SLC44A5: variants seen among roughly 807,000 people sequenced by gnomAD.
SLC44A5 encodes choline transporter-like protein 5.
SLC44A5 carries 57 observed loss-of-function variants against 101.8 expected under a neutral mutation model. That is an observed-to-expected ratio of 0.56 (90% CI 0.45 to 0.70). The LOEUF is 0.70. Ranked by LOEUF, SLC44A5 falls within the 30% of genes least tolerant of loss-of-function variation. SLC44A5 has a pLI of 0.00. For synonymous variants in SLC44A5, 281 were observed against 290.9 expected, an observed-to-expected ratio of 0.97 and a Z score of 0.35; for missense variants, 737 against 853.1, an observed-to-expected ratio of 0.86 and a Z score of 1.70.
At chr1:75,444,684 A>G (rs945751528) in intron 2 of SLC44A5, among the ~76,000 whole-genome samples, 4 of 152,126 alleles carry the variant, frequency 2.6e-5, no homozygotes, top group Admixed American at 6.5e-5. Flanking sequence ...CAGGATGATT[A>G]TAAGAACAGA....
rs576282300 is a variant in SLC44A5, at chr1:75,600,522, TATTA to T, written c.-70+10514_-70+10517del. ...TCATCCAAATATTTATTTATTTATT[TATTA>T]ATCTTGTTTCAAAAAATATTTTAAG... is the stretch of plus-strand genomic sequence containing the variant. On this transcript the variant is annotated intron_variant, in intron 1 of 23. Transcript: ENST00000370859. Among the ~76,000 whole-genome samples the T allele has an allele frequency of 3.4e-4, 52 of 152,292 alleles. No individual in the cohort carries two copies. In the East Asian group the frequency reaches 9.4e-3, roughly 28 times the overall value.
chr1:75,616,054 C>T (rs1456889462), upstream of SLC44A5, among the ~76,000 whole-genome samples: 2 of 151,776 alleles, frequency 1.3e-5, no homozygotes, highest in Non-Finnish European at 2.9e-5. Context: ...CGGCTCGGCT[C>T]GGCTGGGGCG....
rs1024799138 is a variant in SLC44A5, at chr1:75,429,860, C to A, written c.14-33239G>T. ...CTCCCATCAGGCCCCACCACTAACA[C>A]TGGGGATTACATTTCAACATGAGAT... On this transcript the variant is annotated intron_variant, in intron 2 of 23. Coordinates refer to ENST00000370859, the MANE Select transcript of SLC44A5 (RefSeq NM_001130058.2). Among the ~76,000 whole-genome samples, 3 of 152,198 alleles carry A rather than the reference C, an allele frequency of 2.0e-5. No individual in the cohort carries two copies. In the East Asian group the frequency reaches 5.8e-4, roughly 29 times the overall value.
chr1:75,269,687 C>G (rs1040118031), intron 6 of SLC44A5, among the ~76,000 whole-genome samples: 1 of 152,078 alleles, frequency 6.6e-6, no homozygotes, highest in Non-Finnish European at 1.5e-5. Context: ...TGAAATCCAT[C>G]TTTATCACAT....
chr1:75,625,716 G>A, the SLC44A5 span, among the ~76,000 whole-genome samples: 1 of 152,056 alleles, frequency 6.6e-6, no homozygotes. Flanking sequence ...TTATTTTCTG[G>A]TACTCCTGTC....
rs76858271 is a variant in SLC44A5, at chr1:75,575,975, A to G, written c.-69-34459T>C. 9.8e-3 allele frequency among the ~76,000 whole-genome samples: 1,496 copies of G among 152,286 alleles called. 26 individuals carry two copies. Among genetic ancestry groups the G allele is most frequent in the African/African-American group, 0.034 (1,405 of 41,552 alleles). ...GTTGGAGAGCTTGTGACTAAGAGGC[A>G]TAAATACAAACAGCACCAGAAATGT... On this transcript the variant is annotated intron_variant, in intron 1 of 23. Transcript: ENST00000370859.
At chr1:75,569,238 CT>C (rs566440021) in intron 1 of SLC44A5, among the ~76,000 whole-genome samples, 38,811 of 112,466 alleles carry the variant, frequency 0.35, 4,734 homozygotes, top group Non-Finnish European at 0.4. Context: ...TCATCTCTAC[CT>C]TTTTTTTTTT....
Position 75,396,642 on chromosome 1 carries a change from C to CA in SLC44A5, c.14-22dup, listed in dbSNP as rs200463512. 340 of 1,600,994 alleles carry CA rather than the reference C, an allele frequency of 2.1e-4. 4 individuals are homozygous for CA. The East Asian group carries it at 4.5e-3, about 21-fold the overall frequency. ...TTTTTCTAGGAAAAAGCACAAAAGG[C>CA]AAAAAAAATATTTGTAGGGGCTGAT... On this transcript the variant is annotated intron_variant, in intron 2 of 23. Transcript: ENST00000370859.
chr1:75,279,752 A>G (rs949871978), intron 5 of SLC44A5, among the ~76,000 whole-genome samples: 5 of 132,350 alleles, frequency 3.8e-5, no homozygotes, highest in Non-Finnish European at 7.9e-5. Context: ...ATGTATGTAT[A>G]CATGTATGTA....
At chr1:75,649,272 A>G in the SLC44A5 span, among the ~76,000 whole-genome samples, 1 of 152,230 alleles carries the variant, frequency 6.6e-6, no homozygotes, top group African/African-American at 2.4e-5. Flanking sequence ...AAACACAAAT[A>G]GGTGTACTGG....
At chr1:75,515,424 T>C (rs1669778227) in intron 2 of SLC44A5, among the ~76,000 whole-genome samples, 1 of 152,166 alleles carries the variant, frequency 6.6e-6, no homozygotes, top group Non-Finnish European at 1.5e-5. Flanking sequence ...TTAACCATTA[T>C]CTTCCCATTC....
intron 2 of SLC44A5, among the ~76,000 whole-genome samples, chr1:75,459,616 G>A (rs1229636642): frequency 6.6e-6 from 1 of 152,024 alleles, no homozygotes; most frequent in East Asian, 1.9e-4. Context: ...ACTTGCCCAA[G>A]TAACATAGTT....
chr1:75,447,207 G>C (rs1035633040), intron 2 of SLC44A5, among the ~76,000 whole-genome samples: 1 of 152,134 alleles, frequency 6.6e-6, no homozygotes, highest in Non-Finnish European at 1.5e-5. Flanking sequence ...AAGTATAAAG[G>C]AGTTGAAGTG....
At chr1:75,371,813 G>A (rs1210172095) in intron 3 of SLC44A5, among the ~76,000 whole-genome samples, 5 of 152,106 alleles carry the variant, frequency 3.3e-5, no homozygotes, top group South Asian at 4.2e-4. Flanking sequence ...TTTCACACAG[G>A]TGAGGAACAG....
chr1:75,372,986 A>G (rs1288429432), intron 3 of SLC44A5, among the ~76,000 whole-genome samples: 1 of 152,248 alleles, frequency 6.6e-6, no homozygotes, highest in African/African-American at 2.4e-5. Flanking sequence ...TTTTACTTCA[A>G]AAAATGTAAG....
At chr1:75,235,927 GTA>G (rs1648036363) in intron 11 of SLC44A5, among the ~76,000 whole-genome samples, 1 of 152,072 alleles carries the variant, frequency 6.6e-6, no homozygotes, top group African/African-American at 2.4e-5. Context: ...TGGAAGATAA[GTA>G]TGTGTGTGTA....
the SLC44A5 span, among the ~76,000 whole-genome samples, chr1:75,719,267 C>T: frequency 6.6e-6 from 1 of 152,148 alleles, no homozygotes; most frequent in African/African-American, 2.4e-5. Context: ...CTTGGCTTTG[C>T]TTCTGGCGTT....
the SLC44A5 span, among the ~76,000 whole-genome samples, chr1:75,683,058 A>G: frequency 6.6e-6 from 1 of 152,112 alleles, no homozygotes; most frequent in Non-Finnish European, 1.5e-5. Context: ...ACAATGAGAT[A>G]CCATCTCACA....
At chr1:75,688,544 T>G in the SLC44A5 span, among the ~76,000 whole-genome samples, 2 of 152,140 alleles carry the variant, frequency 1.3e-5, no homozygotes, top group African/African-American at 4.8e-5. Flanking sequence ...TAATAAATGT[T>G]CAGATAGATA....
Sources: gnomAD v4.1 joint callset for allele counts (sites outside exome capture counted in the v4.1 genomes callset) on GRCh38, gnomAD v4.1.1 for gene constraint, MANE v1.5 for transcripts, NCBI Gene and HGNC (gene_info 2026-07-23, HGNC 2026-07-21) for gene names.